RSPH10B: variants seen among roughly 807,000 people sequenced by gnomAD.
RSPH10B encodes the protein radial spoke head 10 homolog B (Chlamydomonas).
Under a neutral mutation model 52.5 loss-of-function variants are expected in RSPH10B, and 7 were observed. The observed-to-expected ratio is 0.13, with a 90% CI of 0.08 to 0.25. The LOEUF (loss-of-function observed/expected upper bound fraction) is 0.25. Ranked by LOEUF, RSPH10B falls within the 10% of genes least tolerant of loss-of-function variation. The pLI is 1.00. For synonymous variants in RSPH10B, 28 were observed against 193.2 expected, an observed-to-expected ratio of 0.14 and a Z score of 7.09; for missense variants, 89 against 542.5, an observed-to-expected ratio of 0.16 and a Z score of 8.30.
intron 18 of RSPH10B, among the ~76,000 whole-genome samples, chr7:5,926,930 A>AT (rs71008339): frequency 0.13 from 18,505 of 144,538 alleles, 360 homozygotes; most frequent in East Asian, 0.28. Context: ...AATATTTTGT[A>AT]TTTTTAGTAG....
chr7:5,947,692 G>A (rs1339025938), intron 10 of RSPH10B, among the ~76,000 whole-genome samples: 1 of 99,534 alleles, frequency 1.0e-5, no homozygotes, highest in Admixed American at 1.2e-4. Flanking sequence ...TCCAGCCTGG[G>A]CAACAAGAGT....
intron 12 of RSPH10B, 35 bp from the exon 15 acceptor site, chr7:5,943,507 T>A: frequency 6.2e-7 from 1 of 1,609,790 alleles, no homozygotes. Flanking sequence ...GATTACAGAT[T>A]TATGTTTTGA....
chr7:5,944,309 A>G (rs1348038034), intron 11 of RSPH10B, among the ~76,000 whole-genome samples: 1 of 150,730 alleles, frequency 6.6e-6, no homozygotes, highest in African/African-American at 2.5e-5. Flanking sequence ...GAGGCAGGAG[A>G]ATCACTGGAA....
Position 5,940,935 on chromosome 7 carries a change from TAA to T in RSPH10B, c.1759-2108_1759-2107del, listed in dbSNP as rs1491528530. The stretch of plus-strand genomic sequence containing the variant: ...AGCAAGACTGTCAAAATAATAATAA[TAA>T]TAATAATTATTATTATTATTATTAT... On this transcript the variant is annotated intron_variant, in intron 13 of 18. Coordinates refer to ENST00000337579, the Ensembl canonical transcript of RSPH10B. 1.9e-3 allele frequency among the ~76,000 whole-genome samples: 136 copies of T among 69,922 alleles called. 6 individuals are homozygous for T. Among genetic ancestry groups the T allele is most frequent in the South Asian group, 9.3e-3 (21 of 2,262 alleles). 45.9% of individuals were successfully genotyped at this position (69,922 alleles called of 152,430 possible).
intron 6 of RSPH10B, among the ~76,000 whole-genome samples, chr7:5,957,631 C>CA (rs1255003741): frequency 9.0e-4 from 48 of 53,052 alleles, no homozygotes; most frequent in African/African-American, 4.2e-3. Flanking sequence ...ACTAAAAATA[C>CA]AAAAAAAACA....
intron 18 of RSPH10B, among the ~76,000 whole-genome samples, chr7:5,927,022 C>CGTGTGT (rs373901374): frequency 4.3e-4 from 41 of 95,938 alleles, no homozygotes; most frequent in African/African-American, 1.4e-3. Context: ...CCCAAAGTTA[C>CGTGTGT]GTGTGTGTGT....
chr7:5,950,334 G>A, intron 9 of RSPH10B, among the ~76,000 whole-genome samples: 1 of 151,922 alleles, frequency 6.6e-6, no homozygotes, highest in East Asian at 1.9e-4. Context: ...ACTTTGGGAG[G>A]CTGAGGTGGA....
chr7:5,940,055 C>G (rs2528290), intron 13 of RSPH10B, among the ~76,000 whole-genome samples: 26 of 124,726 alleles, frequency 2.1e-4, no homozygotes, highest in Admixed American at 7.0e-4. Context: ...AAATTAGCTG[C>G]GCATGGTGGC....
At chr7:5,942,181 A>T (rs1241686546) in intron 13 of RSPH10B, among the ~76,000 whole-genome samples, 2 of 145,622 alleles carry the variant, frequency 1.4e-5, no homozygotes, top group African/African-American at 5.1e-5. Flanking sequence ...AAAAGATTTC[A>T]GTTGACTTTA....
intron 12 of RSPH10B, 109 bp from the exon 15 acceptor site, chr7:5,943,581 T>G (rs1234302075): frequency 1.2e-6 from 1 of 808,108 alleles, no homozygotes; most frequent in African/African-American, 1.8e-5. Context: ...AGTCTTGATG[T>G]CACCCAGGCT....
chr7:5,940,942 A>AATT lies in RSPH10B; in HGVS notation c.1759-2116_1759-2114dup, dbSNP rs752116609. On this transcript the variant is annotated intron_variant, in intron 13 of 18. Coordinates refer to ENST00000337579, the Ensembl canonical transcript of RSPH10B. The stretch of plus-strand genomic sequence containing the variant: ...CTGTCAAAATAATAATAATAATAAT[A>AATT]ATTATTATTATTATTATTATTATTA... Among the ~76,000 whole-genome samples the AATT allele has an allele frequency of 2.3e-3, 107 of 45,958 alleles. 15 individuals carry two copies. The highest frequency in any genetic ancestry group is 3.4e-3 in the African/African-American group (63 of 18,740). 30.2% of individuals were successfully genotyped at this position (45,958 alleles called of 152,430 possible).
chr7:5,927,048 T>TGTGTGTGTGTGTGTGTGTGTGTGTG (rs1347951159), intron 18 of RSPH10B, among the ~76,000 whole-genome samples: 6 of 70,886 alleles, frequency 8.5e-5, no homozygotes, highest in African/African-American at 2.6e-4. Flanking sequence ...TGTGTGTGTA[T>TGTGTGTGTGTGTGTGTGTGTGTGTG]TATGTGTGTG....
chr7:5,941,741 TA>T (rs777356713), intron 13 of RSPH10B, among the ~76,000 whole-genome samples: 219 of 127,888 alleles, frequency 1.7e-3, no homozygotes, highest in Middle Eastern at 4.0e-3. Flanking sequence ...AGACTTTGTC[TA>T]AAAAAAAAAA....
intron 17 of RSPH10B, among the ~76,000 whole-genome samples, chr7:5,931,515 C>T (rs1294569960): frequency 2.6e-5 from 4 of 151,416 alleles, no homozygotes; most frequent in South Asian, 4.1e-4. Context: ...CACTTGGGCC[C>T]GGGAGTTCAA....
intron 17 of RSPH10B, among the ~76,000 whole-genome samples, chr7:5,931,490 C>T (rs1329469783): frequency 6.6e-6 from 1 of 151,442 alleles, no homozygotes; most frequent in South Asian, 2.1e-4. Context: ...CTTTGGGACA[C>T]CAAGGCGGGA....
chr7:5,943,697 C>A (rs1206944938), intron 12 of RSPH10B, among the ~76,000 whole-genome samples: 2 of 150,026 alleles, frequency 1.3e-5, no homozygotes, highest in Non-Finnish European at 3.0e-5. Flanking sequence ...GCATGCACCA[C>A]CATACCTGGC....
At chr7:5,970,102 C>CA (rs1209605073), upstream of RSPH10B, among the ~76,000 whole-genome samples, 2 of 10,948 alleles carry the variant, frequency 1.8e-4, no homozygotes, top group African/African-American at 6.3e-4. Flanking sequence ...AGGCTGGTCT[C>CA]AAACTCCTAA....
At chr7:5,955,151 C>T (rs1473071539) in intron 7 of RSPH10B, among the ~76,000 whole-genome samples, 4 of 138,634 alleles carry the variant, frequency 2.9e-5, no homozygotes, top group African/African-American at 5.2e-5. Flanking sequence ...GGCAACAGAG[C>T]GAAACTCTGT....
At chr7:5,960,078 CA>C (rs376382587) in intron 4 of RSPH10B, among the ~76,000 whole-genome samples, 4,199 of 17,432 alleles carry the variant, frequency 0.24, 1,409 homozygotes, top group African/African-American at 0.47. Context: ...CACACACACA[CA>C]ACAACAACAA....
Sources: allele counts gnomAD v4.1 joint callset (sites outside exome capture counted in the v4.1 genomes callset), GRCh38; gene constraint gnomAD v4.1.1; transcripts MANE v1.5; gene names NCBI Gene and HGNC (gene_info 2026-07-23, HGNC 2026-07-21).